Variants in TLE2 observed in about 807,000 individuals in gnomAD.
TLE2 encodes the protein transducin-like enhancer protein 2.
Under a neutral mutation model 97.2 loss-of-function variants are expected in TLE2, and 74 were observed. The observed-to-expected ratio is 0.76, with a 90% confidence interval of 0.63 to 0.92. The LOEUF (loss-of-function observed/expected upper bound fraction) is 0.92, where lower values mean the gene tolerates loss of function less well. TLE2 is among the 40% of genes least tolerant of loss of function. The pLI is 0.00. For synonymous variants in TLE2, 499 were observed against 432.1 expected (o/e 1.15, Z -1.92); for missense variants, 1,038 against 1,008.7 (o/e 1.03, Z -0.39).
At chr19:3,035,098 C>A (rs1363724044) in intron 1 of TLE2, among the ~76,000 whole-genome samples, 1 of 152,178 alleles carries the variant, frequency 6.6e-6, no homozygotes, top group South Asian at 2.1e-4. Context: ...CACACGCACA[C>A]AGGAACACAC....
At chr19:3,041,381 G>A (rs2090102192) in intron 1 of TLE2, among the ~76,000 whole-genome samples, 1 of 152,056 alleles carries the variant, frequency 6.6e-6, no homozygotes, top group Non-Finnish European at 1.5e-5. Flanking sequence ...ATGGCCCTCC[G>A]AATTATGGGC....
In TLE2 at chr19:3,017,868, T is replaced by C. The variant is rs762257983; in HGVS notation, c.551-9A>G. On this transcript the variant is annotated splice_polypyrimidine_tract_variant and intron_variant, in intron 7 of 19. Transcript: ENST00000262953. ...GCTCGGGGCTCTCTCCACTGACAGA[T>C]TGGGAATGGGATAAAGAGAAAGAAG... is the stretch of plus-strand genomic sequence containing the variant. The C allele has an allele frequency of 7.4e-6, 12 of 1,611,970 alleles. No homozygotes were observed. The Admixed American group carries it at 1.2e-4, about 16-fold the overall frequency.
chr19:3,006,950 G>A (rs980878104), intron 14 of TLE2, among the ~76,000 whole-genome samples: 1 of 149,998 alleles, frequency 6.7e-6, no homozygotes, highest in Non-Finnish European at 1.5e-5. Flanking sequence ...GCCTGGCTAA[G>A]TTTTTTGTAT....
At chr19:3,042,017 C>T (rs1005042331) in intron 1 of TLE2, among the ~76,000 whole-genome samples, 1 of 151,824 alleles carries the variant, frequency 6.6e-6, no homozygotes, top group Non-Finnish European at 1.5e-5. Flanking sequence ...ATTAGCCACG[C>T]GGGCCCGGCC....
intron 12 of TLE2, 95 bp downstream of exon 12, chr19:3,010,927 T>C: frequency 6.8e-7 from 1 of 1,472,742 alleles, no homozygotes; most frequent in Non-Finnish European, 9.1e-7. Context: ...ACACCAAGCC[T>C]GGAATCCCAG....
chr19:3,017,303 A>C (rs1209175378), intron 8 of TLE2, among the ~76,000 whole-genome samples: 1 of 149,978 alleles, frequency 6.7e-6, no homozygotes, highest in Non-Finnish European at 1.5e-5. Flanking sequence ...ACGTTTGGCT[A>C]ATTTTTGAAT....
At chr19:3,006,099 T>TG (rs2089469856) in intron 15 of TLE2, 131 bp from the exon 16 acceptor site, 4 of 1,184,212 alleles carry the variant, frequency 3.4e-6, no homozygotes, top group Non-Finnish European at 5.0e-6. Flanking sequence ...CTACCCTGAT[T>TG]GGCTGGTGAG....
chr19:3,007,144 G>T (rs895028343), intron 14 of TLE2, among the ~76,000 whole-genome samples: 1 of 151,502 alleles, frequency 6.6e-6, no homozygotes, highest in South Asian at 2.1e-4. Flanking sequence ...CTGGAGGGCA[G>T]TAGCGTGATC....
chr19:3,018,504 G>T (rs751414655), intron 7 of TLE2, among the ~76,000 whole-genome samples: 1 of 151,820 alleles, frequency 6.6e-6, no homozygotes, highest in Non-Finnish European at 1.5e-5. Flanking sequence ...CGTTGACCAG[G>T]CTGGTCTCAA....
Position 3,017,859 on chromosome 19 carries a change from A to G in TLE2, c.551T>C (p.Val184Ala), listed in dbSNP as rs1838657012. 1.9e-6 allele frequency: 3 copies of G among 1,612,202 alleles called. No homozygotes were observed. Among genetic ancestry groups the G allele is most frequent in the Non-Finnish European group, 2.5e-6 (3 of 1,179,220 alleles). ...ACTTACCCTGCTCGGGGCTCTCTCCACTGACAGATTGGGAATGGGATAAAG... is the reference window on the plus strand; with the variant it reads ...ACTTACCCTGCTCGGGGCTCTCTCCGCTGACAGATTGGGAATGGGATAAAG... ...RAGVEAEGSR[V>A]ERAPSRSASP... The change falls in exon 8 of 20, where the codon GTG becomes GCG. Residue 184 changes from valine to alanine, a missense_variant and splice_region_variant. Val to Ala is a moderately conservative substitution (Grantham distance 64). Coordinates refer to ENST00000262953, the MANE Select transcript of TLE2 (RefSeq NM_003260.5).
intron 14 of TLE2, among the ~76,000 whole-genome samples, chr19:3,007,945 G>A (rs940625682): frequency 2.6e-5 from 4 of 151,942 alleles, no homozygotes; most frequent in Admixed American, 6.6e-5. Flanking sequence ...ATTAGCCGGC[G>A]GTGGTCCGTG....
rs1321253061 is a variant in TLE2, at chr19:2,997,795, C to G, written c.*53G>C. The G allele has an allele frequency of 7.4e-7, 1 of 1,356,244 alleles. No individual in the cohort carries two copies. The highest frequency in any genetic ancestry group is 1.9e-5 in the Admixed American group (1 of 51,476). 84.0% of individuals were successfully genotyped at this position (1,356,244 alleles called of 1,614,324 possible). On this transcript the variant is annotated 3_prime_UTR_variant, in exon 20 of 20. Transcript: ENST00000262953. ...GCGGCTGCTAGGATGTCTGTCCTGG[C>G]TGCTGATTCCCCTGGGAGTCTGGAC...
chr19:3,021,366 T>C (rs1469797720), intron 5 of TLE2, among the ~76,000 whole-genome samples: 1 of 151,082 alleles, frequency 6.6e-6, no homozygotes, highest in African/African-American at 2.4e-5. Flanking sequence ...GATCGTGCCA[T>C]GCACTCCCGC....
At chr19:3,017,906 G>A (rs757108793) in intron 7 of TLE2, 47 bp from the exon 8 acceptor site, 4 of 1,598,750 alleles carry the variant, frequency 2.5e-6, no homozygotes, top group Middle Eastern at 1.7e-4. Context: ...GAAAGAATGA[G>A]GCGTTTGTAT....
At chr19:3,025,342 C>G (rs1285619376) in intron 4 of TLE2, 1 of 1,249,938 alleles carries the variant, frequency 8.0e-7, no homozygotes, top group African/African-American at 1.6e-5. Context: ...GTCACAGATA[C>G]ACCACCCGCC....
At chr19:3,018,664 G>A (rs1008207332) in intron 7 of TLE2, among the ~76,000 whole-genome samples, 1 of 143,834 alleles carries the variant, frequency 7.0e-6, no homozygotes, top group African/African-American at 2.6e-5. Context: ...ACTCAGGCTG[G>A]AGTACAGTGG....
At chr19:3,002,575 G>A (rs1568230623) in intron 17 of TLE2, 72 bp from the exon 18 acceptor site, 12 of 1,512,192 alleles carry the variant, frequency 7.9e-6, no homozygotes, top group Middle Eastern at 1.9e-4. Context: ...GTCTCACTCC[G>A]TCACCCAGGC....
intron 7 of TLE2, 49 bp from the exon 8 acceptor site, chr19:3,017,908 C>T (rs527333644): frequency 2.8e-5 from 44 of 1,591,128 alleles, no homozygotes; most frequent in African/African-American, 6.7e-5. Context: ...AAGAATGAGG[C>T]GTTTGTATCC....
chr19:3,013,884 C>T, intron 10 of TLE2, 66 bp from the exon 11 acceptor site: 1 of 1,348,010 alleles, frequency 7.4e-7, no homozygotes, highest in Non-Finnish European at 9.6e-7. Context: ...CCTTCTCTAT[C>T]CTCCTCCCGA....
Sources: gnomAD v4.1 joint callset for allele counts (sites outside exome capture counted in the v4.1 genomes callset) on GRCh38, gnomAD v4.1.1 for gene constraint, MANE v1.5 for transcripts, NCBI Gene and HGNC (gene_info 2026-07-23, HGNC 2026-07-21) for gene names.